PKIB: variants seen among roughly 807,000 people sequenced by gnomAD.
The protein encoded by PKIB is cAMP-dependent protein kinase inhibitor beta.
Under a neutral mutation model 4.5 loss-of-function variants are expected in PKIB, and 2 were observed. The ratio of observed to expected loss-of-function variants is 0.44; its 90% CI spans 0.18 to 1.39. PKIB has a LOEUF of 1.39. Ranked by LOEUF, PKIB falls within the 40% of genes most tolerant of loss-of-function variation. The probability of loss-of-function intolerance (pLI) is 0.27; values close to 1 mark genes in which losing one functional copy is unlikely to be tolerated. For synonymous variants in PKIB, 38 were observed against 36.0 expected (o/e 1.06, Z -0.20); for missense variants, 94 against 92.6 (o/e 1.02, Z -0.06).
chr6:122,683,062 T>C (rs1314677795), intron 3 of PKIB, among the ~76,000 whole-genome samples: 1 of 152,196 alleles, frequency 6.6e-6, no homozygotes, highest in Admixed American at 6.5e-5. Context: ...TTTAATTATG[T>C]GCTGCCTCCC....
intron 2 of PKIB, among the ~76,000 whole-genome samples, chr6:122,498,718 G>A (rs1776144411): frequency 6.6e-6 from 1 of 152,134 alleles, no homozygotes; most frequent in Non-Finnish European, 1.5e-5. Context: ...ACTAAAATCA[G>A]AGGAGAACTG....
intron 3 of PKIB, among the ~76,000 whole-genome samples, chr6:122,586,793 G>C (rs1773861100): frequency 6.6e-6 from 1 of 152,044 alleles, no homozygotes; most frequent in South Asian, 2.1e-4. Context: ...AGAATCTGGA[G>C]AACATAAGAA....
chr6:122,500,915 A>C (rs984598398), intron 2 of PKIB, among the ~76,000 whole-genome samples: 8 of 152,156 alleles, frequency 5.3e-5, no homozygotes, highest in Non-Finnish European at 1.2e-4. Context: ...GAAGCACTAC[A>C]TACTTTTAAA....
chr6:122,571,798 C>T (rs568608902), intron 2 of PKIB, among the ~76,000 whole-genome samples: 25 of 152,160 alleles, frequency 1.6e-4, no homozygotes, highest in Non-Finnish European at 2.6e-4. Flanking sequence ...GCATAAATCT[C>T]ACAGGGCCTA....
At chr6:122,710,074 C>T (rs1442045851) in intron 3 of PKIB, among the ~76,000 whole-genome samples, 1 of 152,066 alleles carries the variant, frequency 6.6e-6, no homozygotes, top group African/African-American at 2.4e-5. Context: ...TCATTTTCAG[C>T]TCATAATCGA....
chr6:122,639,565 G>C (rs1311997177), intron 2 of PKIB, among the ~76,000 whole-genome samples: 1 of 152,156 alleles, frequency 6.6e-6, no homozygotes, highest in Non-Finnish European at 1.5e-5. Context: ...TTTTGAACTA[G>C]AGAAAAATTG....
intron 1 of PKIB, among the ~76,000 whole-genome samples, chr6:122,626,706 A>C (rs1452701493): frequency 1.3e-5 from 2 of 152,208 alleles, no homozygotes; most frequent in African/African-American, 2.4e-5. Flanking sequence ...CTATGTGGCC[A>C]AGGGATCCAA....
At chr6:122,502,734 A>T (rs1039957512) in intron 2 of PKIB, among the ~76,000 whole-genome samples, 2 of 152,188 alleles carry the variant, frequency 1.3e-5, no homozygotes, top group African/African-American at 4.8e-5. Flanking sequence ...TTTTCTTTAT[A>T]TACATACTGA....
chr6:122,567,024 G>T (rs938304124), intron 2 of PKIB, among the ~76,000 whole-genome samples: 4 of 152,120 alleles, frequency 2.6e-5, no homozygotes, highest in Non-Finnish European at 2.9e-5. Flanking sequence ...AATAATTGTG[G>T]CAATTTACAA....
At chr6:122,558,752 A>G (rs1772924164) in intron 2 of PKIB, among the ~76,000 whole-genome samples, 1 of 152,080 alleles carries the variant, frequency 6.6e-6, no homozygotes, top group Admixed American at 6.6e-5. Context: ...TCAATTGATT[A>G]ATATATATTT....
upstream of PKIB, among the ~76,000 whole-genome samples, chr6:122,607,881 T>C (rs1343067121): frequency 1.3e-5 from 2 of 152,224 alleles, no homozygotes; most frequent in African/African-American, 4.8e-5. Flanking sequence ...TCCCTGGATA[T>C]GCACCTTCTG....
At chr6:122,555,929 T>C (rs1425661522) in intron 2 of PKIB, among the ~76,000 whole-genome samples, 1 of 152,236 alleles carries the variant, frequency 6.6e-6, no homozygotes, top group Admixed American at 6.5e-5. Context: ...GTCACCTTGG[T>C]GAAACTTATT....
intron 2 of PKIB, among the ~76,000 whole-genome samples, chr6:122,653,502 C>G (rs1297180923): frequency 6.7e-6 from 1 of 150,160 alleles, no homozygotes; most frequent in Non-Finnish European, 1.5e-5. Context: ...TGAAGAACCT[C>G]TAGAGCAGGT....
chr6:122,546,558 G>A (rs1222937453), intron 2 of PKIB, among the ~76,000 whole-genome samples: 1 of 152,016 alleles, frequency 6.6e-6, no homozygotes, highest in Non-Finnish European at 1.5e-5. Context: ...TTTTCGTGTT[G>A]TAATGTCTAA....
chr6:122,533,506 T>A (rs1415887163), intron 2 of PKIB, among the ~76,000 whole-genome samples: 1 of 152,310 alleles, frequency 6.6e-6, no homozygotes, highest in African/African-American at 2.4e-5. Flanking sequence ...GTAATGTATA[T>A]AAAATAAGTA....
chr6:122,634,530 AG>A (rs771020314), intron 2 of PKIB, among the ~76,000 whole-genome samples: 13 of 152,198 alleles, frequency 8.5e-5, no homozygotes, highest in South Asian at 6.2e-4. Context: ...GCCTGAGGGA[AG>A]GCTCCAAAGT....
intron 2 of PKIB, among the ~76,000 whole-genome samples, chr6:122,573,471 G>C (rs1773431825): frequency 6.9e-6 from 1 of 145,578 alleles, no homozygotes; most frequent in Admixed American, 7.0e-5. Flanking sequence ...GCAGTAAGCT[G>C]AGATTGTGCC....
At chr6:122,584,880 G>A (rs750432915) in intron 2 of PKIB, among the ~76,000 whole-genome samples, 11 of 152,070 alleles carry the variant, frequency 7.2e-5, no homozygotes, top group Non-Finnish European at 1.3e-4. Context: ...CAGGGATGGG[G>A]CAGAAACATC....
chr6:122,690,705 A>T (rs931957113), intron 3 of PKIB, among the ~76,000 whole-genome samples: 22 of 152,090 alleles, frequency 1.4e-4, no homozygotes, highest in African/African-American at 5.3e-4. Flanking sequence ...CCACAATTTC[A>T]GTGTTATAAT....
Sources: gnomAD v4.1 joint callset for allele counts (sites outside exome capture counted in the v4.1 genomes callset) on GRCh38, gnomAD v4.1.1 for gene constraint, MANE v1.5 for transcripts, NCBI Gene and HGNC (gene_info 2026-07-23, HGNC 2026-07-21) for gene names.